The following GTF2A1 variants were observed in gnomAD, a reference collection of about 807,000 sequenced individuals.
GTF2A1 encodes general transcription factor IIA subunit 1, also known as transcription initiation factor IIA subunit 1.
In GTF2A1, 12 loss-of-function variants were observed where a neutral mutation model predicts 54.1. The ratio of observed to expected loss-of-function variants is 0.22; its 90% CI spans 0.14 to 0.36. The LOEUF (loss-of-function observed/expected upper bound fraction) is 0.36, where lower values mean the gene tolerates loss of function less well. Ranked by LOEUF, GTF2A1 falls within the 10% of genes least tolerant of loss-of-function variation. GTF2A1 has a pLI of 1.00. For missense variants in GTF2A1, 335 were observed against 442.2 expected (o/e 0.76, Z 2.17); for synonymous variants, 145 against 152.0 (o/e 0.95, Z 0.34).
chr14:81,213,770 A>T (rs1193651640), intron 2 of GTF2A1, among the ~76,000 whole-genome samples: 3 of 152,126 alleles, frequency 2.0e-5, no homozygotes, highest in African/African-American at 7.2e-5. Context: ...TTCTCAAGGT[A>T]AATAAATATT....
In GTF2A1 at chr14:81,220,645, A is replaced by T; in HGVS notation, c.-127T>A. On this transcript the variant is annotated 5_prime_UTR_variant, in exon 1 of 9. Transcript: ENST00000553612. ...ACCGCAAGATTGGGGAAAAAATTTT[A>T]AACAAAATCAATCCTGAAGGAGTAG... is the stretch of plus-strand genomic sequence containing the variant. 1.6e-6 allele frequency: 1 copy of T among 642,214 alleles called. No homozygotes were observed. The highest frequency in any genetic ancestry group is 2.6e-6 in the Non-Finnish European group (1 of 390,182). The allele number at this position is 642,214 out of a possible 1,614,324, so 39.8% of individuals were successfully genotyped here. A position where few individuals can be genotyped will look rare whatever the true frequency, so the allele number is the denominator to read the frequency against.
rs1373292937 is a variant in GTF2A1 at position 81,176,161 on chromosome 14, TAATTA to T, written c.*4057_*4061del. The T allele has an allele frequency of 1.3e-5, 2 of 152,160 alleles. No individual in the cohort carries two copies. The highest frequency in any genetic ancestry group is 2.4e-5 in the African/African-American group (1 of 41,454). 9.4% of individuals were successfully genotyped at this position (152,160 alleles called of 1,614,324 possible). A position where few individuals can be genotyped will look rare whatever the true frequency, so the allele number is the denominator to read the frequency against. On this transcript the variant is annotated 3_prime_UTR_variant, in exon 9 of 9. Coordinates refer to ENST00000553612, the MANE Select transcript of GTF2A1 (RefSeq NM_015859.4). ...AACATTTTTTTTTAAATAACATCTT[TAATTA>T]AAGTTTTTGCAAAGTAGAATATTAA...
intron 6 of GTF2A1, among the ~76,000 whole-genome samples, chr14:81,193,479 TAA>T (rs1187720806): frequency 3.9e-5 from 6 of 152,138 alleles, no homozygotes. Flanking sequence ...TACTTTTGTC[TAA>T]AGTCAGACAT....
Position 81,215,042 on chromosome 14 carries a change from T to C in GTF2A1, c.132+1371A>G, listed in dbSNP as rs145763786. On this transcript the variant is annotated intron_variant, in intron 2 of 8. Coordinates refer to ENST00000553612, the MANE Select transcript of GTF2A1 (RefSeq NM_015859.4). Reference sequence around the variant, plus strand: ...AAACCATATAACTGTGAACTTTTCATACTTTTAAAGTCCATTAATTTATCT... The same window carrying C: ...AAACCATATAACTGTGAACTTTTCACACTTTTAAAGTCCATTAATTTATCT... 2.0e-5 allele frequency among the ~76,000 whole-genome samples: 3 copies of C among 152,356 alleles called. No homozygotes were observed. In the East Asian group the frequency reaches 5.8e-4, roughly 29 times the overall value.
At chr14:81,217,746 T>C (rs1243189055) in intron 1 of GTF2A1, among the ~76,000 whole-genome samples, 8 of 152,020 alleles carry the variant, frequency 5.3e-5, no homozygotes, top group Admixed American at 5.2e-4. Context: ...GAGCCAAGAT[T>C]GCACCACTGC....
In GTF2A1 at chr14:81,220,717, G is replaced by T; in HGVS notation, c.-199C>A. The T allele has an allele frequency of 1.9e-5, 5 of 263,024 alleles. No individual in the cohort carries two copies. Among genetic ancestry groups the T allele is most frequent in the East Asian group, 5.9e-5 (1 of 17,086 alleles). The allele number at this position is 263,024 out of a possible 1,614,324, so 16.3% of individuals were successfully genotyped here. On this transcript the variant is annotated 5_prime_UTR_variant, in exon 1 of 9. Coordinates refer to ENST00000553612, the MANE Select transcript of GTF2A1 (RefSeq NM_015859.4). ...GGAGGGGGGCACTCCTCCCGCAGCT[G>T]AAAACCTCGAGAATCGCCTTAAAAA...
chr14:81,207,434 T>G, intron 2 of GTF2A1, among the ~76,000 whole-genome samples: 1 of 152,208 alleles, frequency 6.6e-6, no homozygotes, highest in East Asian at 1.9e-4. Context: ...TCCCCAGCCA[T>G]GTGGAACTGT....
chr14:81,194,756 G>C (rs554527899), intron 6 of GTF2A1, among the ~76,000 whole-genome samples: 1 of 152,136 alleles, frequency 6.6e-6, no homozygotes, highest in Non-Finnish European at 1.5e-5. Flanking sequence ...AGAGTTCAAA[G>C]AAACAAGATC....
intron 2 of GTF2A1, among the ~76,000 whole-genome samples, chr14:81,206,473 C>G (rs1893233106): frequency 6.6e-6 from 1 of 152,168 alleles, no homozygotes; most frequent in Non-Finnish European, 1.5e-5. Flanking sequence ...ATACAGTGAA[C>G]AAACCTGAGA....
intron 2 of GTF2A1, among the ~76,000 whole-genome samples, chr14:81,213,118 C>T (rs570759982): frequency 2.4e-4 from 37 of 152,188 alleles, no homozygotes; most frequent in Non-Finnish European, 3.8e-4. Context: ...GATTCAGGTG[C>T]CGTATCTATT....
chr14:81,189,843 A>G (rs1364922692), intron 7 of GTF2A1, among the ~76,000 whole-genome samples: 1 of 152,222 alleles, frequency 6.6e-6, no homozygotes, highest in Non-Finnish European at 1.5e-5. Flanking sequence ...AGTCTCAAGC[A>G]ATTTCAAAAG....
At chr14:81,180,982 T>C (rs1423456442) in intron 8 of GTF2A1, among the ~76,000 whole-genome samples, 1 of 152,218 alleles carries the variant, frequency 6.6e-6, no homozygotes, top group East Asian at 1.9e-4. Flanking sequence ...AAACTCCTTA[T>C]AGAGTTCTCA....
At chr14:81,220,057 G>A (rs1893585300) in intron 1 of GTF2A1, among the ~76,000 whole-genome samples, 2 of 141,342 alleles carry the variant, frequency 1.4e-5, no homozygotes, top group Admixed American at 7.0e-5. Flanking sequence ...GGTCTCGGGG[G>A]TTCGCCCGAT....
intron 6 of GTF2A1, among the ~76,000 whole-genome samples, chr14:81,193,434 C>G (rs555392933): frequency 6.6e-6 from 1 of 152,220 alleles, no homozygotes; most frequent in East Asian, 1.9e-4. Context: ...GCTGGGATTA[C>G]AGGCGTGAGC....
At chr14:81,193,286 C>T (rs963529980) in intron 6 of GTF2A1, among the ~76,000 whole-genome samples, 29 of 151,946 alleles carry the variant, frequency 1.9e-4, no homozygotes, top group African/African-American at 7.0e-4. Flanking sequence ...CCCACCTCAG[C>T]CTCCTGAGTA....
chr14:81,191,513 G>A (rs993194323), intron 7 of GTF2A1, among the ~76,000 whole-genome samples: 16 of 152,042 alleles, frequency 1.1e-4, no homozygotes, highest in Admixed American at 5.9e-4. Flanking sequence ...TAAACCTCAG[G>A]AATATCATTT....
intron 6 of GTF2A1, among the ~76,000 whole-genome samples, chr14:81,194,222 G>C (rs1892941347): frequency 6.6e-6 from 1 of 152,198 alleles, no homozygotes; most frequent in Non-Finnish European, 1.5e-5. Context: ...ACTGTGAACT[G>C]CACATGCAAG....
At chr14:81,192,860 AT>A in intron 6 of GTF2A1, 21 bp from the exon 7 acceptor site, 2 of 1,402,468 alleles carry the variant, frequency 1.4e-6, no homozygotes, top group Non-Finnish European at 2.0e-6. Context: ...AGAAAACCAC[AT>A]AACAGTAACT....
intron 2 of GTF2A1, among the ~76,000 whole-genome samples, chr14:81,211,500 C>T (rs1893362853): frequency 6.6e-6 from 1 of 152,184 alleles, no homozygotes; most frequent in Admixed American, 6.5e-5. Flanking sequence ...TCCAAGTCTA[C>T]TTTCTCACCT....
Sources: allele counts gnomAD v4.1 joint callset (sites outside exome capture counted in the v4.1 genomes callset), GRCh38; gene constraint gnomAD v4.1.1; transcripts MANE v1.5; gene names NCBI Gene and HGNC (gene_info 2026-07-23, HGNC 2026-07-21).